PPM1L: variants seen among roughly 807,000 people sequenced by gnomAD.
PPM1L encodes protein phosphatase 1L.
In PPM1L, 13 loss-of-function variants were observed where a neutral mutation model predicts 31.4. The observed-to-expected ratio is 0.41, with a 90% CI of 0.27 to 0.66. The LOEUF (loss-of-function observed/expected upper bound fraction) is 0.66, where lower values mean the gene tolerates loss of function less well. PPM1L is among the 30% of genes least tolerant of loss of function. PPM1L has a pLI of 0.29. For missense variants in PPM1L, 326 were observed against 453.7 expected, an observed-to-expected ratio of 0.72 and a Z score of 2.56; for synonymous variants, 184 against 175.4, an observed-to-expected ratio of 1.05 and a Z score of -0.39.
intron 1 of PPM1L, among the ~76,000 whole-genome samples, chr3:160,757,146 C>T (rs1477513725): frequency 6.6e-6 from 1 of 152,192 alleles, no homozygotes; most frequent in Non-Finnish European, 1.5e-5. Context: ...CTTCATTAGG[C>T]AAACAGGCTA....
chr3:160,998,684 G>T (rs2108049855), intron 2 of PPM1L, among the ~76,000 whole-genome samples: 1 of 152,242 alleles, frequency 6.6e-6, no homozygotes, highest in South Asian at 2.1e-4. Flanking sequence ...ATATTAGAAA[G>T]ACTGTTAAAA....
intron 1 of PPM1L, among the ~76,000 whole-genome samples, chr3:160,952,622 C>G (rs1715609797): frequency 6.6e-6 from 1 of 152,196 alleles, no homozygotes; most frequent in South Asian, 2.1e-4. Flanking sequence ...GGCCACTGAT[C>G]AGATGTCCTT....
chr3:160,837,948 A>T (rs1301966943), intron 1 of PPM1L, among the ~76,000 whole-genome samples: 3 of 152,188 alleles, frequency 2.0e-5, no homozygotes, highest in Non-Finnish European at 1.5e-5. Flanking sequence ...CCTGCAAATT[A>T]TGTAGCCAGC....
At chr3:160,965,254 A>T (rs1054655100) in intron 2 of PPM1L, among the ~76,000 whole-genome samples, 3 of 151,984 alleles carry the variant, frequency 2.0e-5, no homozygotes, top group African/African-American at 7.2e-5. Context: ...CTCAAAAAAA[A>T]AAAGAAAAAA....
chr3:160,969,199 T>C (rs1273578758), intron 2 of PPM1L, among the ~76,000 whole-genome samples: 1 of 152,234 alleles, frequency 6.6e-6, no homozygotes, highest in Non-Finnish European at 1.5e-5. Flanking sequence ...TAGCTCTACC[T>C]GCAGGTGAAA....
At chr3:160,772,260 C>T (rs1330302363) in intron 1 of PPM1L, among the ~76,000 whole-genome samples, 1 of 152,110 alleles carries the variant, frequency 6.6e-6, no homozygotes, top group Non-Finnish European at 1.5e-5. Context: ...TTGTTTATCC[C>T]CAAAGGATTA....
chr3:160,764,410 A>G (rs1409162543), intron 1 of PPM1L, among the ~76,000 whole-genome samples: 2 of 150,830 alleles, frequency 1.3e-5, no homozygotes, highest in African/African-American at 4.9e-5. Context: ...ACATACTGTC[A>G]TTTTGCTCTA....
Position 161,078,187 on chromosome 3 carries a change from G to C in PPM1L, c.*9030G>C, listed in dbSNP as rs1247670113. 1.3e-5 allele frequency: 2 copies of C among 152,138 alleles called. No individual in the cohort carries two copies. Among genetic ancestry groups the C allele is most frequent in the Non-Finnish European group, 2.9e-5 (2 of 68,032 alleles). The allele number at this position is 152,138 out of a possible 1,614,324, so 9.4% of individuals were successfully genotyped here. On this transcript the variant is annotated 3_prime_UTR_variant, in exon 4 of 4. Coordinates refer to ENST00000498165, the MANE Select transcript of PPM1L (RefSeq NM_139245.4). Reference sequence around the variant, plus strand: ...AGATGGAGCTCAGTTATTAAGGATGGAAAGGAGGAAAGCACAGAGTGAGGA... The same window carrying C: ...AGATGGAGCTCAGTTATTAAGGATGCAAAGGAGGAAAGCACAGAGTGAGGA...
In PPM1L at chr3:160,969,155, A is replaced by C. The variant is rs1372193791; in HGVS notation, c.574+7245A>C. ...GAGGTGAGAAAGGAGGAGCAGCATT[A>C]ATTTCTCAGCTTTTGCTTTATGATT... On this transcript the variant is annotated intron_variant, in intron 2 of 3. Transcript: ENST00000498165. Among the ~76,000 whole-genome samples, 3 of 152,142 alleles carry C rather than the reference A, an allele frequency of 2.0e-5. No individual in the cohort carries two copies. In the East Asian group the frequency reaches 5.8e-4, roughly 29 times the overall value.
chr3:161,001,834 T>A (rs1255760734), intron 2 of PPM1L, among the ~76,000 whole-genome samples: 1 of 152,186 alleles, frequency 6.6e-6, no homozygotes, highest in African/African-American at 2.4e-5. Flanking sequence ...ATCTTTCTTT[T>A]TTTTAATTCA....
chr3:160,830,133 T>C (rs1200893018), intron 1 of PPM1L, among the ~76,000 whole-genome samples: 2 of 152,194 alleles, frequency 1.3e-5, no homozygotes, highest in African/African-American at 4.8e-5. Context: ...GTGTAGTGGT[T>C]GTAAAAACAA....
At chr3:160,786,471 G>A (rs1711937022) in intron 1 of PPM1L, among the ~76,000 whole-genome samples, 1 of 151,242 alleles carries the variant, frequency 6.6e-6, no homozygotes, top group South Asian at 2.1e-4. Context: ...ACCTGCCTCT[G>A]CCTCCCAAAG....
intron 1 of PPM1L, among the ~76,000 whole-genome samples, chr3:160,914,791 T>A (rs1377357770): frequency 2.0e-5 from 3 of 152,138 alleles, no homozygotes; most frequent in Non-Finnish European, 2.9e-5. Flanking sequence ...TTATAATCCT[T>A]TGGGTATATA....
chr3:160,836,022 T>C (rs943239261), intron 1 of PPM1L, among the ~76,000 whole-genome samples: 1 of 152,080 alleles, frequency 6.6e-6, no homozygotes. Context: ...TCCATTTTTT[T>C]CTAGGCCAGC....
chr3:160,786,438 G>T (rs764153831), intron 1 of PPM1L, among the ~76,000 whole-genome samples: 1 of 150,476 alleles, frequency 6.6e-6, no homozygotes, highest in African/African-American at 2.4e-5. Flanking sequence ...GGCTGGTCTC[G>T]AACTCCTGAC....
chr3:160,791,043 A>G (rs943849193), intron 1 of PPM1L, among the ~76,000 whole-genome samples: 1 of 152,040 alleles, frequency 6.6e-6, no homozygotes, highest in African/African-American at 2.4e-5. Context: ...TGACTTGTAA[A>G]CATTCTCACT....
At chr3:161,049,077 TAA>T (rs199940685) in intron 2 of PPM1L, among the ~76,000 whole-genome samples, 54 of 141,046 alleles carry the variant, frequency 3.8e-4, no homozygotes, top group Middle Eastern at 7.2e-3. Context: ...CTTAAAGTAT[TAA>T]AAAAAAAAAA....
At chr3:160,939,363 T>C (rs945429940) in intron 1 of PPM1L, among the ~76,000 whole-genome samples, 27 of 152,214 alleles carry the variant, frequency 1.8e-4, no homozygotes, top group African/African-American at 6.5e-4. Context: ...CCTGGATTGC[T>C]ACCCAGCCCA....
intron 1 of PPM1L, among the ~76,000 whole-genome samples, chr3:160,851,045 T>C (rs1227840007): frequency 6.6e-6 from 1 of 152,186 alleles, no homozygotes; most frequent in Non-Finnish European, 1.5e-5. Flanking sequence ...CGGTCATTTT[T>C]ATACCTTTTT....
Sources: gnomAD v4.1 joint callset for allele counts (sites outside exome capture counted in the v4.1 genomes callset) on GRCh38, gnomAD v4.1.1 for gene constraint, MANE v1.5 for transcripts, NCBI Gene and HGNC (gene_info 2026-07-23, HGNC 2026-07-21) for gene names.